FREM1: variants seen among roughly 807,000 people sequenced by gnomAD.
The protein encoded by FREM1 is FRAS1-related extracellular matrix protein 1.
FREM1 carries 220 observed loss-of-function variants against 210.1 expected under a neutral mutation model. The ratio of observed to expected loss-of-function variants is 1.05; its 90% CI spans 0.94 to 1.17. The LOEUF is 1.17. Among genes scored for constraint, FREM1 ranks in the 50% most tolerant of loss-of-function variants. FREM1 has a pLI of 0.00. For missense variants in FREM1, 3,454 were observed against 2,675.5 expected, an observed-to-expected ratio of 1.29 and a Z score of -6.42; for synonymous variants, 1,189 against 980.2, an observed-to-expected ratio of 1.21 and a Z score of -3.98.
intron 10 of FREM1, among the ~76,000 whole-genome samples, chr9:14,826,113 T>TTTTTGG (rs1822403095): frequency 6.6e-6 from 1 of 150,724 alleles, no homozygotes; most frequent in African/African-American, 2.4e-5. Context: ...TTTTTTTTTT[T>TTTTTGG]GAGGAGTCTC....
rs1351933907 is a variant in FREM1, at chr9:14,860,972, TACATATATAC to T, written c.330-1498_330-1489del. Among the ~76,000 whole-genome samples, 55 of 93,492 alleles carry T rather than the reference TACATATATAC, an allele frequency of 5.9e-4. 6 individuals are homozygous for T. The highest frequency in any genetic ancestry group is 2.3e-3 in the African/African-American group (54 of 23,628). 61.3% of individuals were successfully genotyped at this position (93,492 alleles called of 152,430 possible). A position where few individuals can be genotyped will look rare whatever the true frequency, so the allele number is the denominator to read the frequency against. On this transcript the variant is annotated intron_variant, in intron 3 of 36. Transcript: ENST00000380880. The stretch of plus-strand genomic sequence containing the variant: ...ACATATACACATATATACACATATA[TACATATATAC>T]ACATATATACATATATATACACATA...
Position 14,788,965 on chromosome 9 carries a change from C to A in FREM1, c.4131G>T (p.Arg1377Ser). 2 of 1,613,104 alleles carry A rather than the reference C, an allele frequency of 1.2e-6. No individual in the cohort carries two copies. Among genetic ancestry groups the A allele is most frequent in the South Asian group, 2.2e-5 (2 of 90,770 alleles). ...TGATTTGACAGTCAAGAGCAGGGGA[C>A]CTGTTGTTGCCATCCCAAAGGTAGA... ...FTFYLWDGNN[R>S]SPALDCQITI... is the part of the protein sequence containing the mutation. The change falls in exon 23 of 37, where the codon AGG becomes AGT. Residue 1377 changes from arginine (R) to serine (S), a missense_variant. Physicochemically the swap from Arg to Ser is moderately radical, Grantham distance 110. Transcript: ENST00000380880.
intron 2 of FREM1, among the ~76,000 whole-genome samples, chr9:14,868,432 G>A (rs575804180): frequency 6.6e-6 from 1 of 152,134 alleles, no homozygotes; most frequent in African/African-American, 2.4e-5. Flanking sequence ...AAAATTACAT[G>A]CATCCATATT....
At chr9:14,815,079 T>C (rs1220276423) in intron 15 of FREM1, among the ~76,000 whole-genome samples, 2 of 152,186 alleles carry the variant, frequency 1.3e-5, no homozygotes, top group Non-Finnish European at 2.9e-5. Flanking sequence ...CAAAGGCCAT[T>C]ATGAGGACTA....
chr9:14,773,931 C>G (rs939286633), intron 25 of FREM1: 1 of 377,770 alleles, frequency 2.6e-6, no homozygotes, highest in African/African-American at 2.1e-5. Flanking sequence ...AGTACAGAGA[C>G]TGGTATCAAC....
At chr9:14,814,385 A>G (rs1023318673) in intron 15 of FREM1, among the ~76,000 whole-genome samples, 6 of 152,308 alleles carry the variant, frequency 3.9e-5, no homozygotes, top group Admixed American at 3.9e-4. Context: ...CTTGGCAAAG[A>G]AAGCACTTAT....
intron 16 of FREM1, among the ~76,000 whole-genome samples, chr9:14,811,153 C>A (rs1057239582): frequency 2.0e-5 from 3 of 152,136 alleles, no homozygotes; most frequent in African/African-American, 7.2e-5. Context: ...TACCAAAATA[C>A]CCTTTGAATC....
intron 3 of FREM1, among the ~76,000 whole-genome samples, chr9:14,862,774 T>A (rs1418841459): frequency 1.3e-5 from 2 of 152,198 alleles, no homozygotes; most frequent in Non-Finnish European, 2.9e-5. Context: ...CTTGGCATAA[T>A]GTTTTCAAGG....
chr9:14,897,659 A>G (rs896998988), intron 1 of FREM1, among the ~76,000 whole-genome samples: 6 of 151,726 alleles, frequency 4.0e-5, no homozygotes, highest in African/African-American at 1.5e-4. Flanking sequence ...TCCTTCATCA[A>G]GGCTCACTGC....
chr9:14,770,798 T>C lies in FREM1; in HGVS notation c.4866A>G (p.Gln1622=), dbSNP rs1329911177. The change falls in exon 26 of 37, where the codon CAA becomes CAG. Residue 1622 remains glutamine (Q), a synonymous_variant. Coordinates refer to ENST00000380880, the MANE Select transcript of FREM1 (RefSeq NM_001379081.2). ...TGATACGAGGAGCTGTTTTGTCCAA[T>C]TGGTCTACCTGGATCATCAACAATG... ...EPVLFTIQVD[Q]LDKTAPRITL... 1.2e-6 allele frequency: 2 copies of C among 1,610,922 alleles called. No homozygotes were observed. Among genetic ancestry groups the C allele is most frequent in the Non-Finnish European group, 1.7e-6 (2 of 1,178,294 alleles).
At chr9:14,850,871 T>C (rs1404902335) in intron 6 of FREM1, among the ~76,000 whole-genome samples, 1 of 152,220 alleles carries the variant, frequency 6.6e-6, no homozygotes, top group East Asian at 1.9e-4. Flanking sequence ...TCAGAAATAT[T>C]TGGTAGCTAG....
intron 2 of FREM1, among the ~76,000 whole-genome samples, chr9:14,866,477 G>A (rs754113109): frequency 5.5e-4 from 84 of 152,146 alleles, no homozygotes; most frequent in Middle Eastern, 3.2e-3. Context: ...GCTCTCAGAG[G>A]CTGGCTTAGG....
At chr9:14,902,687 T>C (rs1310087844) in intron 1 of FREM1, among the ~76,000 whole-genome samples, 1 of 152,102 alleles carries the variant, frequency 6.6e-6, no homozygotes, top group East Asian at 1.9e-4. Context: ...AAAGACAAAA[T>C]TGGTTCCATC....
chr9:14,838,120 T>A (rs2131127226), intron 10 of FREM1, among the ~76,000 whole-genome samples: 1 of 152,348 alleles, frequency 6.6e-6, no homozygotes, highest in East Asian at 1.9e-4. Flanking sequence ...TAATTTAGTT[T>A]TGCTGTGTGT....
At chr9:14,753,904 T>C (rs1047601218) in intron 29 of FREM1, among the ~76,000 whole-genome samples, 7 of 152,192 alleles carry the variant, frequency 4.6e-5, no homozygotes, top group African/African-American at 1.7e-4. Flanking sequence ...ATTTCTTAAA[T>C]TGTCTAAATA....
At chr9:14,819,643 G>A (rs538012903) in intron 13 of FREM1, among the ~76,000 whole-genome samples, 2 of 152,266 alleles carry the variant, frequency 1.3e-5, no homozygotes, top group South Asian at 2.1e-4. Context: ...AAGCATTAAT[G>A]TGTTACAAGG....
chr9:14,806,693 C>T lies in FREM1; in HGVS notation c.3242G>A (p.Gly1081Asp). ...GYLENILPSV[G>D]FEKSNIGISI... is the part of the protein sequence containing the mutation. ...TATGCCAATATTGCTTTTTTCAAAA[C>T]CCACAGAAGGGAGTATATTTTCGAG... The change falls in exon 18 of 37, where the codon GGT (glycine) becomes GAT (aspartate). Residue 1081 changes from glycine (G) to aspartate (D), a missense_variant. Physicochemically the swap from Gly to Asp is moderately conservative, Grantham distance 94 (BLOSUM62 -1). Coordinates refer to ENST00000380880, the MANE Select transcript of FREM1 (RefSeq NM_001379081.2). 1 of 1,601,488 alleles carries T rather than the reference C, an allele frequency of 6.2e-7. No individual in the cohort carries two copies. Among genetic ancestry groups the T allele is most frequent in the Non-Finnish European group, 8.5e-7 (1 of 1,173,524 alleles).
At position 14,805,174 on chromosome 9, in the gene FREM1, C is replaced by A. The variant is rs199806558; in HGVS notation, c.3275-22G>T. The A allele has an allele frequency of 9.5e-5, 135 of 1,426,078 alleles. No individual in the cohort carries two copies. The East Asian group carries it at 2.8e-3, about 30-fold the overall frequency. The allele number at this position is 1,426,078 out of a possible 1,614,324, so 88.3% of individuals were successfully genotyped here. A position where few individuals can be genotyped will look rare whatever the true frequency, so the allele number is the denominator to read the frequency against. ...GAATCTAGAGCACACCAAGATGGAA[C>A]AGATAAATAAAAAAAAAATTTTTCC... On this transcript the variant is annotated intron_variant, in intron 18 of 36. Transcript: ENST00000380880.
At chr9:14,786,195 A>G (rs75924956) in intron 23 of FREM1, among the ~76,000 whole-genome samples, 2 of 152,164 alleles carry the variant, frequency 1.3e-5, no homozygotes. Flanking sequence ...ATGCTAACTT[A>G]CCTGCTTGTG....
Sources: gnomAD v4.1 joint callset for allele counts (sites outside exome capture counted in the v4.1 genomes callset) on GRCh38, gnomAD v4.1.1 for gene constraint, MANE v1.5 for transcripts, NCBI Gene and HGNC (gene_info 2026-07-23, HGNC 2026-07-21) for gene names.